MEI4: variants seen among roughly 807,000 people sequenced by gnomAD.
MEI4 encodes the protein meiosis-specific protein MEI4.
In MEI4, 27 loss-of-function variants were observed where a neutral mutation model predicts 31.4. The observed-to-expected ratio is 0.86, with a 90% CI of 0.63 to 1.19. The LOEUF is 1.19. Ranked by LOEUF, MEI4 falls within the 50% of genes most tolerant of loss-of-function variation. MEI4 has a pLI of 0.00. For missense variants in MEI4, 329 were observed against 398.9 expected (o/e 0.82, Z 1.49); for synonymous variants, 122 against 145.4 (o/e 0.84, Z 1.16).
intron 3 of MEI4, among the ~76,000 whole-genome samples, chr6:77,827,068 G>T (rs989427664): frequency 1.4e-4 from 21 of 152,068 alleles, no homozygotes; most frequent in Admixed American, 1.3e-3. Flanking sequence ...GTGATTAAAA[G>T]AACCTACATA....
chr6:77,735,953 A>C (rs1767192107), intron 2 of MEI4, among the ~76,000 whole-genome samples: 2 of 151,916 alleles, frequency 1.3e-5, no homozygotes. Context: ...CTCGGGGGTC[A>C]GGGGTCAGGG....
intron 4 of MEI4, among the ~76,000 whole-genome samples, chr6:77,905,322 G>C (rs1766269675): frequency 6.6e-6 from 1 of 151,390 alleles, no homozygotes; most frequent in Non-Finnish European, 1.5e-5. Context: ...TCTTTTTCTT[G>C]CTACTCTCAT....
intron 2 of MEI4, among the ~76,000 whole-genome samples, chr6:77,743,668 A>C (rs966218938): frequency 6.6e-6 from 1 of 152,186 alleles, no homozygotes; most frequent in Non-Finnish European, 1.5e-5. Context: ...TGCCTCCTCA[A>C]GTGGGTCCCT....
At chr6:77,697,559 C>T (rs1160998856) in intron 2 of MEI4, among the ~76,000 whole-genome samples, 1 of 152,144 alleles carries the variant, frequency 6.6e-6, no homozygotes, top group Non-Finnish European at 1.5e-5. Flanking sequence ...TGTTCAGTTT[C>T]CATGTAGTTG....
intron 4 of MEI4, among the ~76,000 whole-genome samples, chr6:77,900,921 T>C (rs1251262159): frequency 1.3e-5 from 2 of 151,950 alleles, no homozygotes; most frequent in African/African-American, 4.8e-5. Flanking sequence ...CTACTATGAG[T>C]TCAACTTTTT....
rs137887920 is a variant in MEI4 at position 77,736,776 on chromosome 6, T to C, written c.233-24354T>C. ...GAGGGTAAGATTACATCATTAATTG[T>C]ACCCAATGAGACCCTGTAGTCCAGA... On this transcript the variant is annotated intron_variant, in intron 2 of 4. Coordinates refer to ENST00000684080, the MANE Select transcript of MEI4 (RefSeq NM_001322247.2). 1.6e-3 allele frequency among the ~76,000 whole-genome samples: 241 copies of C among 152,200 alleles called. 5 individuals are homozygous for C. Among genetic ancestry groups the C allele is most frequent in the African/African-American group, 5.5e-3 (227 of 41,462 alleles).
rs146568761 is a variant in MEI4 at position 77,843,848 on chromosome 6, A to T, written c.900+14786A>T. 8.5e-3 allele frequency among the ~76,000 whole-genome samples: 1,288 copies of T among 152,252 alleles called. 6 individuals carry two copies. The highest frequency in any genetic ancestry group is 0.014 in the Non-Finnish European group (931 of 67,972). ...ATATGATCATGACATAATCATAGAC[A>T]TTAAGACAGACATGTAATAGAGTAG... is the stretch of plus-strand genomic sequence containing the variant. On this transcript the variant is annotated intron_variant, in intron 4 of 4. Coordinates refer to ENST00000684080, the MANE Select transcript of MEI4 (RefSeq NM_001322247.2).
chr6:77,864,102 A>G (rs1770949786), intron 4 of MEI4, among the ~76,000 whole-genome samples: 1 of 152,322 alleles, frequency 6.6e-6, no homozygotes, highest in South Asian at 2.1e-4. Flanking sequence ...GAAAGGAACA[A>G]TCGGTACCAG....
chr6:77,835,742 T>C (rs769228645), intron 4 of MEI4, among the ~76,000 whole-genome samples: 7 of 152,092 alleles, frequency 4.6e-5, no homozygotes. Flanking sequence ...ATGTTTATAA[T>C]AGCTTAAATT....
intron 2 of MEI4, among the ~76,000 whole-genome samples, chr6:77,754,369 T>G (rs867516422): frequency 6.6e-6 from 1 of 152,128 alleles, no homozygotes; most frequent in African/African-American, 2.4e-5. Context: ...AAGAGTTACT[T>G]TTACTCCAGT....
intron 2 of MEI4, among the ~76,000 whole-genome samples, chr6:77,742,248 G>C (rs1420392990): frequency 5.9e-5 from 9 of 151,284 alleles, no homozygotes; most frequent in African/African-American, 2.2e-4. Flanking sequence ...CAGTGTCAAA[G>C]TGTTCCTATT....
At chr6:77,863,665 A>T (rs558647024) in intron 4 of MEI4, among the ~76,000 whole-genome samples, 233 of 152,310 alleles carry the variant, frequency 1.5e-3, no homozygotes, top group Non-Finnish European at 2.8e-3. Context: ...TGCAGGATAT[A>T]ATCCAGGAGA....
chr6:77,838,541 T>C (rs1299774117), intron 4 of MEI4, among the ~76,000 whole-genome samples: 1 of 152,146 alleles, frequency 6.6e-6, no homozygotes, highest in Non-Finnish European at 1.5e-5. Context: ...AGATGAGATA[T>C]AATAAAGCCA....
intron 3 of MEI4, among the ~76,000 whole-genome samples, chr6:77,790,532 C>T (rs1255517055): frequency 6.6e-6 from 1 of 150,978 alleles, no homozygotes; most frequent in Non-Finnish European, 1.5e-5. Flanking sequence ...TGTAGCAAAC[C>T]TGCACATGTA....
intron 3 of MEI4, among the ~76,000 whole-genome samples, chr6:77,824,224 G>A (rs576894018): frequency 5.3e-5 from 8 of 152,176 alleles, no homozygotes; most frequent in African/African-American, 1.9e-4. Context: ...CAAGTAGCTG[G>A]GATTACAGGC....
intron 2 of MEI4, among the ~76,000 whole-genome samples, chr6:77,731,095 C>T (rs1161141001): frequency 1.3e-5 from 2 of 151,938 alleles, no homozygotes; most frequent in Admixed American, 1.3e-4. Context: ...CATATGTGTG[C>T]ATGTGTCTTT....
At chr6:77,757,083 G>C (rs1003056304) in intron 2 of MEI4, among the ~76,000 whole-genome samples, 7 of 152,184 alleles carry the variant, frequency 4.6e-5, no homozygotes, top group Non-Finnish European at 8.8e-5. Flanking sequence ...CTTGTTCACT[G>C]TGTGGCTCTT....
chr6:77,774,048 C>T (rs1335866726), intron 3 of MEI4, among the ~76,000 whole-genome samples: 1 of 152,016 alleles, frequency 6.6e-6, no homozygotes, highest in Non-Finnish European at 1.5e-5. Flanking sequence ...AAAAAAGACC[C>T]TTGTACACTG....
Position 77,842,451 on chromosome 6 carries a change from G to GGA in MEI4, c.900+13389_900+13390insGA, listed in dbSNP as rs1273287632. The stretch of plus-strand genomic sequence containing the variant: ...GATTTATGCTTGTCATTGAAGGGAG[G>GGA]TTTTAAATCAATAATATAAGAAACT... On this transcript the variant is annotated intron_variant, in intron 4 of 4. Coordinates refer to ENST00000684080, the MANE Select transcript of MEI4 (RefSeq NM_001322247.2). Among the ~76,000 whole-genome samples, 786 of 152,140 alleles carry GGA rather than the reference G, an allele frequency of 5.2e-3. 7 individuals are homozygous for GGA. The highest frequency in any genetic ancestry group is 0.018 in the African/African-American group (768 of 41,544).
Sources: gnomAD v4.1 joint callset for allele counts (sites outside exome capture counted in the v4.1 genomes callset) on GRCh38, gnomAD v4.1.1 for gene constraint, MANE v1.5 for transcripts, NCBI Gene and HGNC (gene_info 2026-07-23, HGNC 2026-07-21) for gene names.